Variants in SENP8 observed in about 807,000 individuals in gnomAD.
SENP8 encodes sentrin-specific protease 8.
Under a neutral mutation model 14.4 loss-of-function variants are expected in SENP8, and 10 were observed. The ratio of observed to expected loss-of-function variants is 0.69; its 90% CI spans 0.43 to 1.18. The LOEUF is 1.18. Ranked by LOEUF, SENP8 falls within the 50% of genes most tolerant of loss-of-function variation. The pLI is 0.00. For missense variants in SENP8, 202 were observed against 249.4 expected (o/e 0.81, Z 1.28); for synonymous variants, 94 against 95.5 (o/e 0.98, Z 0.09).
At chr15:72,125,300 TTA>T (rs1176558610) in intron 1 of SENP8, among the ~76,000 whole-genome samples, 5 of 152,204 alleles carry the variant, frequency 3.3e-5, no homozygotes, top group Non-Finnish European at 7.4e-5. Flanking sequence ...CTAATTATTA[TTA>T]GTTTTCTTCA....
Position 72,139,436 on chromosome 15 carries a change from G to A in SENP8, c.-47-141G>A, listed in dbSNP as rs1485483706. 4.2e-6 allele frequency: 3 copies of A among 717,996 alleles called. No homozygotes were observed. In the South Asian group the frequency reaches 6.7e-5, roughly 16 times the overall value. The allele number at this position is 717,996 out of a possible 1,614,324, so 44.5% of individuals were successfully genotyped here. On this transcript the variant is annotated intron_variant, in intron 1 of 1. Coordinates refer to ENST00000340912, the MANE Select transcript of SENP8 (RefSeq NM_145204.4). ...GGCAGAGGCAAAAGAAAATCCATGTGTAAGTAGATCTGCACAGATCAAACC... is the reference window on the plus strand; with the variant it reads ...GGCAGAGGCAAAAGAAAATCCATGTATAAGTAGATCTGCACAGATCAAACC...
In SENP8 at chr15:72,140,114, G is replaced by A; in HGVS notation, c.491G>A (p.Gly164Glu). The A allele has an allele frequency of 6.2e-7, 1 of 1,614,144 alleles. No individual in the cohort carries two copies. Among genetic ancestry groups the A allele is most frequent in the Non-Finnish European group, 8.5e-7 (1 of 1,180,046 alleles). The change falls in exon 2 of 2, where the codon GGG becomes GAG. Residue 164 changes from glycine (G) to glutamate (E), a missense_variant. Physicochemically the swap from Gly to Glu is moderately conservative, Grantham distance 98. Coordinates refer to ENST00000340912, the MANE Select transcript of SENP8 (RefSeq NM_145204.4). ...GCCCAACAAAACAGCTATGACTGTG[G>A]GATGTACGTGATATGTAACACTGAG... is the stretch of plus-strand genomic sequence containing the variant. Reference protein sequence around the residue: ...APAQQNSYDCGMYVICNTEAL... With the variant: ...APAQQNSYDCEMYVICNTEAL...
intron 1 of SENP8, among the ~76,000 whole-genome samples, chr15:72,130,690 A>C (rs1596649279): frequency 6.6e-6 from 1 of 150,974 alleles, no homozygotes; most frequent in South Asian, 2.1e-4. Flanking sequence ...CAGCCTCCCA[A>C]GTAGCTGCAA....
rs2081392460 is a variant in SENP8 at position 72,143,419 on chromosome 15, C to CTGTT, written c.*3158_*3161dup. 6.6e-6 allele frequency: 1 copy of CTGTT among 152,140 alleles called. No homozygotes were observed. Among genetic ancestry groups the CTGTT allele is most frequent in the African/African-American group, 2.4e-5 (1 of 41,416 alleles). 9.4% of individuals were successfully genotyped at this position (152,140 alleles called of 1,614,324 possible). A position where few individuals can be genotyped will look rare whatever the true frequency, so the allele number is the denominator to read the frequency against. On this transcript the variant is annotated 3_prime_UTR_variant, in exon 2 of 2. Coordinates refer to ENST00000340912, the MANE Select transcript of SENP8 (RefSeq NM_145204.4). ...CTGTGTAAAAAATGGCTGATAATTA[C>CTGTT]TGTTATGTACAAAAGAGAAACTTAT...
chr15:72,122,361 AAGTTT>A (rs1399555919), intron 1 of SENP8, among the ~76,000 whole-genome samples: 1 of 151,642 alleles, frequency 6.6e-6, no homozygotes, highest in Non-Finnish European at 1.5e-5. Context: ...GATGGGAAAG[AAGTTT>A]AGTTTAAACA....
intron 1 of SENP8, among the ~76,000 whole-genome samples, chr15:72,120,906 T>C (rs764639098): frequency 1.3e-5 from 2 of 152,266 alleles, no homozygotes; most frequent in Non-Finnish European, 2.9e-5. Context: ...CTACTGATTA[T>C]TGAAAACAAA....
upstream of SENP8, chr15:72,116,979 G>A (rs1205620037): frequency 6.6e-6 from 1 of 152,148 alleles, no homozygotes; most frequent in African/African-American, 2.4e-5. Context: ...GAATACATTA[G>A]GCTAAGCAAA....
chr15:72,118,136 A>AGCAGGCGC (rs2081075589), upstream of SENP8: 1 of 377,808 alleles, frequency 2.6e-6, no homozygotes, highest in Non-Finnish European at 4.7e-6. Flanking sequence ...GCTGCAGGCG[A>AGCAGGCGC]GCAGGCGCGC....
chr15:72,137,549 G>T (rs901573149), intron 1 of SENP8, among the ~76,000 whole-genome samples: 1 of 152,094 alleles, frequency 6.6e-6, no homozygotes, highest in Non-Finnish European at 1.5e-5. Flanking sequence ...GCAGAATCAG[G>T]AATGAATTTC....
intron 1 of SENP8, among the ~76,000 whole-genome samples, chr15:72,124,642 C>G (rs1025900170): frequency 2.6e-5 from 4 of 151,928 alleles, no homozygotes; most frequent in Admixed American, 2.6e-4. Flanking sequence ...CCTGTTTTAT[C>G]CAGAGGACAG....
chr15:72,131,748 G>A (rs963836474), intron 1 of SENP8, among the ~76,000 whole-genome samples: 1 of 152,212 alleles, frequency 6.6e-6, no homozygotes, highest in Non-Finnish European at 1.5e-5. Context: ...CTCAGATTGA[G>A]AGAACAATTT....
At chr15:72,129,784 A>G (rs1197053317) in intron 1 of SENP8, among the ~76,000 whole-genome samples, 3 of 151,150 alleles carry the variant, frequency 2.0e-5, no homozygotes, top group African/African-American at 7.3e-5. Context: ...TCAAGGCTGC[A>G]GTGGCCGTGA....
chr15:72,118,786 C>T (rs768018326), intron 1 of SENP8, among the ~76,000 whole-genome samples: 3 of 152,028 alleles, frequency 2.0e-5, no homozygotes, highest in Non-Finnish European at 4.4e-5. Context: ...TGAGAGAATC[C>T]GCAGTGGTAG....
chr15:72,137,684 A>G (rs945193243), intron 1 of SENP8, among the ~76,000 whole-genome samples: 1 of 152,154 alleles, frequency 6.6e-6, no homozygotes, highest in Non-Finnish European at 1.5e-5. Flanking sequence ...TTGAAAATTA[A>G]TGTTGAGGCC....
At position 72,140,402 on chromosome 15, in the gene SENP8, C is replaced by T; in HGVS notation, c.*140C>T. The T allele has an allele frequency of 1.5e-6, 1 of 651,190 alleles. No individual in the cohort carries two copies. The highest frequency in any genetic ancestry group is 2.7e-6 in the Non-Finnish European group (1 of 368,310). The allele number at this position is 651,190 out of a possible 1,614,324, so 40.3% of individuals were successfully genotyped here. A position where few individuals can be genotyped will look rare whatever the true frequency, so the allele number is the denominator to read the frequency against. On this transcript the variant is annotated 3_prime_UTR_variant, in exon 2 of 2. Transcript: ENST00000340912. ...CTCTTTTTCCTGAAAGAATATCATC[C>T]TCTGCATTATCCCCATGGAACGTTT...
intron 1 of SENP8, among the ~76,000 whole-genome samples, chr15:72,136,741 T>C (rs2081331221): frequency 6.6e-6 from 1 of 152,242 alleles, no homozygotes; most frequent in East Asian, 1.9e-4. Context: ...ATTGATGTCA[T>C]AATTCTAGTC....
chr15:72,129,487 C>G (rs1294875027), intron 1 of SENP8, among the ~76,000 whole-genome samples: 2 of 151,484 alleles, frequency 1.3e-5, no homozygotes, highest in African/African-American at 2.4e-5. Context: ...CTCAGCCTCC[C>G]GAGTAGCTGG....
chr15:72,139,713 T>C lies in SENP8; in HGVS notation c.90T>C (p.His30=), dbSNP rs775143884. Residue 30 remains histidine, a synonymous_variant, in exon 2 of 2, where the codon CAT becomes CAC. Coordinates refer to ENST00000340912, the MANE Select transcript of SENP8 (RefSeq NM_145204.4). ...LLDPPSWLND[H]IIGFAFEYFA... ...ATCCGCCAAGCTGGCTCAATGACCA[T>C]ATTATTGGGTTTGCGTTTGAGTACT... The C allele has an allele frequency of 3.8e-5, 61 of 1,614,048 alleles. No homozygotes were observed. In the South Asian group the frequency reaches 6.6e-4, roughly 17 times the overall value.
chr15:72,140,496 C>A lies in SENP8; in HGVS notation c.*234C>A, dbSNP rs377159576. On this transcript the variant is annotated 3_prime_UTR_variant, in exon 2 of 2. Transcript: ENST00000340912. The stretch of plus-strand genomic sequence containing the variant: ...CTTGAAATTGTACACCAAAACCTTA[C>A]AACCAACTTATTTGAACATTTATTA... 1 of 515,922 alleles carries A rather than the reference C, an allele frequency of 1.9e-6. No homozygotes were observed. Among genetic ancestry groups the A allele is most frequent in the African/African-American group, 1.9e-5 (1 of 52,024 alleles). The allele number at this position is 515,922 out of a possible 1,614,324, so 32.0% of individuals were successfully genotyped here.
Sources: gnomAD v4.1 joint callset for allele counts (sites outside exome capture counted in the v4.1 genomes callset) on GRCh38, gnomAD v4.1.1 for gene constraint, MANE v1.5 for transcripts, NCBI Gene and HGNC (gene_info 2026-07-23, HGNC 2026-07-21) for gene names.